The following IQSEC1 variants were observed in gnomAD, a reference collection of about 807,000 sequenced individuals.
The protein encoded by IQSEC1 is IQ motif and Sec7 domain ArfGEF 1, also known as IQ motif and SEC7 domain-containing protein 1.
IQSEC1 carries 31 observed loss-of-function variants against 91.0 expected under a neutral mutation model. The observed-to-expected ratio is 0.34, with a 90% CI of 0.26 to 0.46. The LOEUF is 0.46. IQSEC1 is among the 20% of genes least tolerant of loss of function. IQSEC1 has a pLI of 1.00. For synonymous variants in IQSEC1, 699 were observed against 662.6 expected, an observed-to-expected ratio of 1.05 and a Z score of -0.84; for missense variants, 1,388 against 1,575.6, an observed-to-expected ratio of 0.88 and a Z score of 2.02.
At position 13,025,707 on chromosome 3, in the gene IQSEC1, G is replaced by A. The variant is rs555060985; in HGVS notation, c.23+47285C>T. On this transcript the variant is annotated intron_variant, in intron 1 of 13. Coordinates refer to ENST00000613206, the MANE Select transcript of IQSEC1 (RefSeq NM_001134382.3). ...TCCACATCTCTCATCCACAAAATGG[G>A]CACACTATACTCGACTCCCGCCTGG... Among the ~76,000 whole-genome samples, 103 of 152,276 alleles carry A rather than the reference G, an allele frequency of 6.8e-4. 1 individual carries two copies. Among genetic ancestry groups the A allele is most frequent in the African/African-American group, 2.3e-3 (97 of 41,558 alleles).
At chr3:12,964,404 GCTTA>G (rs1700433571) in intron 1 of IQSEC1, among the ~76,000 whole-genome samples, 1 of 152,032 alleles carries the variant, frequency 6.6e-6, no homozygotes, top group Non-Finnish European at 1.5e-5. Flanking sequence ...TTGCCCCTGT[GCTTA>G]CTGGGCGGAT....
At chr3:13,101,969 CA>C (rs1281671997) in intron 2 of IQSEC1, among the ~76,000 whole-genome samples, 2 of 152,008 alleles carry the variant, frequency 1.3e-5, no homozygotes, top group Non-Finnish European at 2.9e-5. Flanking sequence ...TGCAGTGAGC[CA>C]GGGGCCCACT....
At chr3:13,203,117 G>A (rs1694274347) in intron 1 of IQSEC1, among the ~76,000 whole-genome samples, 1 of 152,228 alleles carries the variant, frequency 6.6e-6, no homozygotes, top group East Asian at 1.9e-4. Flanking sequence ...ACGGAGGAGA[G>A]GCCAGGGTAT....
chr3:12,921,248 C>T (rs1386987394), intron 5 of IQSEC1, among the ~76,000 whole-genome samples: 2 of 152,270 alleles, frequency 1.3e-5, no homozygotes, highest in Middle Eastern at 3.4e-3. Context: ...GACTGAGGCT[C>T]AGGAGCCCAG....
rs1012563921 is a variant in IQSEC1, at chr3:13,207,406, G to T, written c.273-43273C>A. On this transcript the variant is annotated intron_variant, in intron 1 of 15. Transcript: ENST00000648114. The surrounding 1 kb of genome is among the most constrained non-coding windows in gnomAD (Gnocchi z 4.8). Reference sequence around the variant, plus strand: ...ACCCAAGCCCCGTCTTCTCTGCCAGGTCCCTGGGACGGCTTCCCTCTGGCC... The same window carrying T: ...ACCCAAGCCCCGTCTTCTCTGCCAGTTCCCTGGGACGGCTTCCCTCTGGCC... Among the ~76,000 whole-genome samples the T allele has an allele frequency of 6.6e-6, 1 of 151,524 alleles. No homozygotes were observed. The highest frequency in any genetic ancestry group is 2.4e-5 in the African/African-American group (1 of 41,252).
At chr3:13,261,809 T>G (rs1404647563) in intron 1 of IQSEC1, among the ~76,000 whole-genome samples, 1 of 152,206 alleles carries the variant, frequency 6.6e-6, no homozygotes, top group African/African-American at 2.4e-5. Flanking sequence ...TTTATGGCAC[T>G]CAATGCTACA....
chr3:12,931,482 G>A (rs1312278171), intron 3 of IQSEC1, among the ~76,000 whole-genome samples: 1 of 152,202 alleles, frequency 6.6e-6, no homozygotes, highest in Non-Finnish European at 1.5e-5. Flanking sequence ...GAGACAATAG[G>A]CGGAAGGTGT....
rs983581483 is a variant in IQSEC1, at chr3:12,967,533, C to G, written c.24-25668G>C. Reference sequence around the variant, plus strand: ...CCGCCGACTCCCGCCAGCGAGCCGCCGGATCCCGGGGCCGACACCCGGCCA... The same window carrying G: ...CCGCCGACTCCCGCCAGCGAGCCGCGGGATCCCGGGGCCGACACCCGGCCA... On this transcript the variant is annotated intron_variant, in intron 1 of 13. Coordinates refer to ENST00000613206, the MANE Select transcript of IQSEC1 (RefSeq NM_001134382.3). This position sits in a 1 kb window ranked among gnomAD's most constrained non-coding sequence, Gnocchi z 5.9. 2.9e-6 allele frequency: 4 copies of G among 1,388,292 alleles called. No homozygotes were observed. The African/African-American group carries it at 4.6e-5, about 16-fold the overall frequency. 86.0% of individuals were successfully genotyped at this position (1,388,292 alleles called of 1,614,324 possible).
Position 12,940,317 on chromosome 3 carries a change from T to C in IQSEC1, c.318+1254A>G, listed in dbSNP as rs761656458. On this transcript the variant is annotated intron_variant, in intron 2 of 13. Coordinates refer to ENST00000613206, the MANE Select transcript of IQSEC1 (RefSeq NM_001134382.3). The surrounding 1 kb of genome is among the most constrained non-coding windows in gnomAD (Gnocchi z 4.4). ...GTATCTGCACCACTCCCTTAGGAAG[T>C]TGGGGCACACCAGGCCCAGAACTCT... 6.6e-6 allele frequency among the ~76,000 whole-genome samples: 1 copy of C among 152,006 alleles called. No homozygotes were observed. The highest frequency in any genetic ancestry group is 1.5e-5 in the Non-Finnish European group (1 of 67,998).
Position 13,039,346 on chromosome 3 carries a change from T to C in IQSEC1, c.23+33646A>G, listed in dbSNP as rs542235028. On this transcript the variant is annotated intron_variant, in intron 1 of 13. Coordinates refer to ENST00000613206, the MANE Select transcript of IQSEC1 (RefSeq NM_001134382.3). ...AGGATTATTTTACATTAACTTAAGA[T>C]CACTAATGAAGAATAATTAACAGCT... is the stretch of plus-strand genomic sequence containing the variant. Among the ~76,000 whole-genome samples the C allele has an allele frequency of 5.9e-5, 9 of 152,352 alleles. No individual in the cohort carries two copies. In the East Asian group the frequency reaches 1.5e-3, roughly 26 times the overall value.
At position 13,282,279 on chromosome 3, in the gene IQSEC1, GGGAT is replaced by G. The variant is rs1695807094; in HGVS notation, c.272+428_272+431del. Among the ~76,000 whole-genome samples the G allele has an allele frequency of 6.6e-6, 1 of 152,060 alleles. No individual in the cohort carries two copies. The highest frequency in any genetic ancestry group is 2.4e-5 in the African/African-American group (1 of 41,400). On this transcript the variant is annotated intron_variant, in intron 1 of 15. Transcript: ENST00000648114. This position sits in a 1 kb window ranked among gnomAD's most constrained non-coding sequence, Gnocchi z 6.4. ...AAGCGACCCAGGCCCGCTCCAGGGC[GGGAT>G]CCGCGCGGCCCGCGACCCCTCCCTA...
chr3:13,207,753 T>C lies in IQSEC1; in HGVS notation c.273-43620A>G, dbSNP rs531882559. On this transcript the variant is annotated intron_variant, in intron 1 of 15. Transcript: ENST00000648114. This position sits in a 1 kb window ranked among gnomAD's most constrained non-coding sequence, Gnocchi z 4.8. ...GCCATCGCCAGCTCTCCCGGGAGGC[T>C]CTCTCTCACCATCGCATCTAAACCA... 6.6e-6 allele frequency among the ~76,000 whole-genome samples: 1 copy of C among 151,996 alleles called. No individual in the cohort carries two copies.
chr3:12,901,483 T>G lies in IQSEC1; in HGVS notation c.2845A>C (p.Thr949Pro). The G allele has an allele frequency of 6.5e-7, 1 of 1,549,908 alleles. No individual in the cohort carries two copies. The highest frequency in any genetic ancestry group is 8.7e-7 in the Non-Finnish European group (1 of 1,146,894). The change falls in exon 14 of 14, where the codon ACA (threonine) becomes CCA (proline). Residue 949 changes from threonine to proline, a missense_variant. Physicochemically the swap from Thr to Pro is conservative, Grantham distance 38. Coordinates refer to ENST00000613206, the MANE Select transcript of IQSEC1 (RefSeq NM_001134382.3). Reference sequence around the variant, plus strand: ...CGAGATGGACACTCTCGTGTTGATGTAGCTCTCCGGCGCATGTGAGGACTG... The same window carrying G: ...CGAGATGGACACTCTCGTGTTGATGGAGCTCTCCGGCGCATGTGAGGACTG... ...ISSPHMRRRA[T>P]STRECPSRPH...
At chr3:13,060,264 G>A (rs1303398911) in intron 1 of IQSEC1, among the ~76,000 whole-genome samples, 1 of 152,176 alleles carries the variant, frequency 6.6e-6, no homozygotes, top group African/African-American at 2.4e-5. Flanking sequence ...AGGTGGAAAT[G>A]GTCTGTGCAT....
Position 12,915,118 on chromosome 3 carries a change from G to A in IQSEC1, c.2176C>T (p.Pro726Ser), listed in dbSNP as rs768073961. The change falls in exon 8 of 14, where the codon CCC (proline) becomes TCC (serine). Residue 726 changes from proline (P) to serine (S), a missense_variant. Around this residue, in one of 2 missense-constraint regions of IQSEC1, gnomAD observed 1,059 missense variants for 1,317.8 expected, o/e 0.80. Transcript: ENST00000613206. ...VGKKPIGSLHPGLGCVLSLPH... is the reference protein window; with the variant it reads ...VGKKPIGSLHSGLGCVLSLPH... ...GAAATACTCACACAGCCGAGCCCGG[G>A]ATGCAGGGATCCGATCTGCGGGAGA... 1.2e-6 allele frequency: 2 copies of A among 1,609,008 alleles called. No homozygotes were observed. The highest frequency in any genetic ancestry group is 4.5e-5 in the East Asian group (2 of 44,722).
intron 1 of IQSEC1, among the ~76,000 whole-genome samples, chr3:13,205,957 T>A (rs576441604): frequency 7.7e-6 from 1 of 130,498 alleles, no homozygotes; most frequent in Non-Finnish European, 1.6e-5. Flanking sequence ...CACCCACCCA[T>A]CCATCCCGCC....
intron 1 of IQSEC1, among the ~76,000 whole-genome samples, chr3:13,057,740 G>A (rs1363197413): frequency 6.6e-6 from 1 of 152,228 alleles, no homozygotes; most frequent in African/African-American, 2.4e-5. Flanking sequence ...CCCAGAGCTG[G>A]CCTCCAATGC....
chr3:13,237,480 T>C (rs1365659349), intron 1 of IQSEC1, among the ~76,000 whole-genome samples: 2 of 152,200 alleles, frequency 1.3e-5, no homozygotes, highest in Non-Finnish European at 2.9e-5. Flanking sequence ...CACACCTGGA[T>C]GATGGAGCTA....
At chr3:13,077,675 AC>A (rs1461311329), upstream of IQSEC1, among the ~76,000 whole-genome samples, 1 of 151,946 alleles carries the variant, frequency 6.6e-6, no homozygotes, top group Non-Finnish European at 1.5e-5. Flanking sequence ...GCCCAGCCCC[AC>A]CCCTCACGTG....
Sources: gnomAD v4.1 joint callset for allele counts (sites outside exome capture counted in the v4.1 genomes callset) on GRCh38, gnomAD v4.1.1 for gene constraint, gnomAD v4.1.1 regional missense constraint, Gnocchi (gnomAD v3.1) non-coding constraint, MANE v1.5 for transcripts, NCBI Gene and HGNC (gene_info 2026-07-23, HGNC 2026-07-21) for gene names.